Variants in ANK3 observed in about 807,000 individuals in gnomAD.
ANK3 encodes the protein ankyrin-3.
A neutral mutation model predicts 370.9 loss-of-function variants in ANK3; 57 were observed. The observed-to-expected ratio is 0.15, with a 90% confidence interval of 0.12 to 0.19. The LOEUF is 0.19. Among genes scored for constraint, ANK3 ranks in the 10% least tolerant of loss-of-function variants. The pLI, the probability that ANK3 is intolerant of heterozygous loss-of-function variation, is 1.00. For synonymous variants in ANK3, 1,929 were observed against 1,946.3 expected (o/e 0.99, Z 0.23); for missense variants, 4,439 against 5,302.1 (o/e 0.84, Z 5.06).
At chr10:60,680,593 C>T (rs1034243745) in intron 1 of ANK3, among the ~76,000 whole-genome samples, 1 of 152,206 alleles carries the variant, frequency 6.6e-6, no homozygotes, top group East Asian at 1.9e-4. Flanking sequence ...AGGTCAATTA[C>T]TATGTACAGG....
intron 43 of ANK3, among the ~76,000 whole-genome samples, chr10:60,030,410 G>A (rs771401271): frequency 6.6e-6 from 1 of 152,146 alleles, no homozygotes; most frequent in Non-Finnish European, 1.5e-5. Flanking sequence ...CCAAAGTGCT[G>A]GGATTACAGG....
chr10:60,244,863 C>T (rs1383025545), intron 7 of ANK3, among the ~76,000 whole-genome samples: 1 of 152,178 alleles, frequency 6.6e-6, no homozygotes, highest in Non-Finnish European at 1.5e-5. Context: ...TTGATAAATT[C>T]TATTTAACAG....
intron 2 of ANK3, among the ~76,000 whole-genome samples, chr10:60,558,586 G>C (rs1260107562): frequency 6.6e-6 from 1 of 151,984 alleles, no homozygotes; most frequent in Non-Finnish European, 1.5e-5. Flanking sequence ...AGAGTGCCAA[G>C]GATTTTTAGA....
intron 1 of ANK3, among the ~76,000 whole-genome samples, chr10:60,360,454 G>C (rs2058427180): frequency 6.6e-6 from 1 of 152,158 alleles, no homozygotes; most frequent in Admixed American, 6.5e-5. Context: ...CATGCCTGTA[G>C]TCCCAGCACT....
At chr10:60,330,082 T>C (rs921298066) in intron 1 of ANK3, among the ~76,000 whole-genome samples, 1 of 152,202 alleles carries the variant, frequency 6.6e-6, no homozygotes, top group Non-Finnish European at 1.5e-5. Flanking sequence ...TGGCTAGCCA[T>C]ATGCAGAAAA....
intron 2 of ANK3, among the ~76,000 whole-genome samples, chr10:60,491,199 T>C (rs2075492662): frequency 6.6e-6 from 1 of 152,236 alleles, no homozygotes; most frequent in Non-Finnish European, 1.5e-5. Context: ...GGACTGATTC[T>C]AGTTTTTTAA....
intron 10 of ANK3, among the ~76,000 whole-genome samples, chr10:60,206,482 AAAT>A (rs2096764769): frequency 6.6e-6 from 1 of 152,152 alleles, no homozygotes; most frequent in Non-Finnish European, 1.5e-5. Flanking sequence ...TCAAAATAAT[AAAT>A]AATAATAATA....
Position 60,196,158 on chromosome 10 carries a change from T to C in ANK3, c.1874A>G (p.His625Arg). The C allele has an allele frequency of 6.2e-7, 1 of 1,613,926 alleles. No homozygotes were observed. Among genetic ancestry groups the C allele is most frequent in the African/African-American group, 1.3e-5 (1 of 75,032 alleles). ...AATTATAGGTACCTTTGCGGCTGCGTGAGGTGAGGCTCCTTGGTCCAAAAG... is the reference window on the plus strand; with the variant it reads ...AATTATAGGTACCTTTGCGGCTGCGCGAGGTGAGGCTCCTTGGTCCAAAAG... ...LLLLDQGASP[H>R]AAAKNGYTPL... is the part of the protein sequence containing the mutation. Residue 625 changes from histidine to arginine, a missense_variant, in exon 16 of 44, where the codon CAC becomes CGC. By Grantham distance (29) the His-to-Arg change is conservative. This residue lies in a region of ANK3 where 192 missense variants were observed against 192.1 expected (regional missense o/e 1.00). Transcript: ENST00000280772.
chr10:60,048,852 C>T (rs114821113), intron 42 of ANK3, among the ~76,000 whole-genome samples: 44 of 152,252 alleles, frequency 2.9e-4, no homozygotes, highest in African/African-American at 1.0e-3. Flanking sequence ...AAATTTATCT[C>T]CAATCTTCAG....
At chr10:60,607,102 C>G (rs553633801) in intron 2 of ANK3, among the ~76,000 whole-genome samples, 1 of 152,256 alleles carries the variant, frequency 6.6e-6, no homozygotes, top group South Asian at 2.1e-4. Flanking sequence ...ATTTAATCAG[C>G]CTTCCTGTCC....
At chr10:60,648,146 C>CTT (rs138851239) in intron 1 of ANK3, among the ~76,000 whole-genome samples, 4 of 113,392 alleles carry the variant, frequency 3.5e-5, no homozygotes, top group African/African-American at 1.4e-4. Flanking sequence ...CGGCCAGCCT[C>CTT]TTTTTTTTTT....
chr10:60,420,721 C>T (rs2063761500), intron 2 of ANK3, among the ~76,000 whole-genome samples: 2 of 152,112 alleles, frequency 1.3e-5, no homozygotes, highest in South Asian at 4.1e-4. Context: ...TTCTGAGCAT[C>T]TGGCTATCTT....
At chr10:60,451,072 A>G (rs763920246) in intron 2 of ANK3, among the ~76,000 whole-genome samples, 14 of 152,190 alleles carry the variant, frequency 9.2e-5, no homozygotes, top group Non-Finnish European at 1.8e-4. Flanking sequence ...ACTTGGAGAC[A>G]CAGAGGGAGA....
intron 2 of ANK3, among the ~76,000 whole-genome samples, chr10:60,537,367 C>T (rs899151436): frequency 6.6e-6 from 1 of 151,842 alleles, no homozygotes; most frequent in Non-Finnish European, 1.5e-5. Context: ...ATTTCTTGAA[C>T]ATACTAATTA....
At chr10:60,187,216 CTG>C (rs2096364366) in intron 16 of ANK3, among the ~76,000 whole-genome samples, 2 of 151,612 alleles carry the variant, frequency 1.3e-5, no homozygotes, top group Admixed American at 6.6e-5. Flanking sequence ...AGTGCAGTGG[CTG>C]GATCTCGGCT....
At chr10:60,407,513 T>A (rs553684112) in intron 2 of ANK3, among the ~76,000 whole-genome samples, 2 of 152,220 alleles carry the variant, frequency 1.3e-5, no homozygotes, top group African/African-American at 4.8e-5. Context: ...CTTACCAAAA[T>A]AATACCATCA....
chr10:60,321,745 C>T (rs2048713618), intron 1 of ANK3, among the ~76,000 whole-genome samples: 2 of 152,226 alleles, frequency 1.3e-5, no homozygotes, highest in African/African-American at 4.8e-5. Context: ...AGACTGACTG[C>T]AGAGCCCATT....
chr10:60,137,927 G>T (rs2094424848), intron 24 of ANK3, among the ~76,000 whole-genome samples: 1 of 152,044 alleles, frequency 6.6e-6, no homozygotes, highest in Non-Finnish European at 1.5e-5. Flanking sequence ...TCGCCTAAAA[G>T]ATTGCATATT....
chr10:60,490,605 T>C (rs1464649344), intron 2 of ANK3, among the ~76,000 whole-genome samples: 1 of 152,172 alleles, frequency 6.6e-6, no homozygotes, highest in Non-Finnish European at 1.5e-5. Flanking sequence ...CTCACTCCCA[T>C]CCTCTCTCCT....
Sources: gnomAD v4.1 joint callset for allele counts (sites outside exome capture counted in the v4.1 genomes callset) on GRCh38, gnomAD v4.1.1 for gene constraint, gnomAD v4.1.1 regional missense constraint, MANE v1.5 for transcripts, NCBI Gene and HGNC (gene_info 2026-07-23, HGNC 2026-07-21) for gene names.